The following TCF4 variants were observed in gnomAD, a reference collection of about 807,000 sequenced individuals.
The protein encoded by TCF4 is SL3-3 enhancer factor 2.
In TCF4, 3 loss-of-function variants were observed where a neutral mutation model predicts 82.1. The ratio of observed to expected loss-of-function variants is 0.04; its 90% CI spans 0.02 to 0.09. TCF4 has a LOEUF of 0.09. Among genes scored for constraint, TCF4 ranks in the 10% least tolerant of loss-of-function variants. TCF4 has a pLI of 1.00. For synonymous variants in TCF4, 276 were observed against 309.6 expected (o/e 0.89, Z 1.14); for missense variants, 518 against 852.7 (o/e 0.61, Z 4.89).
chr18:55,596,189 C>A, intron 2 of TCF4: 1 of 398,788 alleles, frequency 2.5e-6, no homozygotes, highest in Non-Finnish European at 5.0e-6. Context: ...GAGATGGTGC[C>A]ACTGCACTCC....
chr18:55,486,507 G>A lies in TCF4; in HGVS notation c.146-22370C>T, dbSNP rs545685707. Among the ~76,000 whole-genome samples the A allele has an allele frequency of 1.5e-4, 23 of 152,248 alleles. No homozygotes were observed. The East Asian group carries it at 3.1e-3, about 20-fold the overall frequency. ...CTCAGGAGGCTGAGGCAGGAAAATC[G>A]CTTGAACCCGGGAGGCGAAGGTTGC... On this transcript the variant is annotated intron_variant, in intron 3 of 19. Coordinates refer to ENST00000354452, the MANE Select transcript of TCF4 (RefSeq NM_001083962.2).
intron 8 of TCF4, among the ~76,000 whole-genome samples, chr18:55,317,732 A>C (rs572855791): frequency 6.6e-6 from 1 of 152,240 alleles, no homozygotes; most frequent in Non-Finnish European, 1.5e-5. Flanking sequence ...TTCTTCTAAG[A>C]ATAGAGAGTT....
At chr18:55,373,267 T>A (rs868268154) in intron 6 of TCF4, among the ~76,000 whole-genome samples, 1 of 151,700 alleles carries the variant, frequency 6.6e-6, no homozygotes, top group African/African-American at 2.4e-5. Flanking sequence ...TGAAAGCCAA[T>A]CTAAGGCAAA....
chr18:55,437,362 A>T (rs2095351072), intron 5 of TCF4, among the ~76,000 whole-genome samples: 1 of 152,218 alleles, frequency 6.6e-6, no homozygotes, highest in South Asian at 2.1e-4. Context: ...TATCAATTTG[A>T]TGAACAATTA....
chr18:55,256,087 G>A (rs1310813591), intron 14 of TCF4, among the ~76,000 whole-genome samples: 1 of 152,044 alleles, frequency 6.6e-6, no homozygotes. Flanking sequence ...TATAAATATG[G>A]GAATGATAAT....
chr18:55,295,519 G>A (rs572906808), intron 8 of TCF4, among the ~76,000 whole-genome samples: 2 of 152,056 alleles, frequency 1.3e-5, no homozygotes, highest in East Asian at 3.9e-4. Flanking sequence ...CCTCCTTCTG[G>A]TCAGATCTGC....
At chr18:55,497,312 T>C (rs1037392702) in intron 3 of TCF4, among the ~76,000 whole-genome samples, 1 of 152,190 alleles carries the variant, frequency 6.6e-6, no homozygotes, top group African/African-American at 2.4e-5. Flanking sequence ...GGAAATGAGC[T>C]TGAATAAGAT....
chr18:55,507,564 A>G (rs2096776989), intron 3 of TCF4, among the ~76,000 whole-genome samples: 1 of 151,730 alleles, frequency 6.6e-6, no homozygotes, highest in African/African-American at 2.4e-5. Flanking sequence ...GGGCGGGGGG[A>G]CTACTGTATT....
chr18:55,228,055 A>G, intron 19 of TCF4, 25 bp from the exon 20 acceptor site: 1 of 878,082 alleles, frequency 1.1e-6, no homozygotes, highest in Non-Finnish European at 1.7e-6. Context: ...AAGAGAGAAA[A>G]AATTCATTAA....
chr18:55,500,498 T>C (rs17089841), intron 3 of TCF4, among the ~76,000 whole-genome samples: 3,890 of 152,344 alleles, frequency 0.026, 162 homozygotes, highest in Admixed American at 0.11. Context: ...CCAGTTCATT[T>C]CGGCACATCC....
At chr18:55,299,567 C>G (rs895686698) in intron 8 of TCF4, among the ~76,000 whole-genome samples, 16 of 149,736 alleles carry the variant, frequency 1.1e-4, no homozygotes, top group African/African-American at 3.7e-4. Flanking sequence ...GGTATAAATT[C>G]CTAATTGTGA....
chr18:55,326,941 A>T (rs746463503), intron 8 of TCF4, among the ~76,000 whole-genome samples: 1 of 152,198 alleles, frequency 6.6e-6, no homozygotes, highest in African/African-American at 2.4e-5. Context: ...AATCCCTAAT[A>T]GGTATGAGTA....
At chr18:55,590,020 G>A (rs1057224629), upstream of TCF4, among the ~76,000 whole-genome samples, 31 of 152,234 alleles carry the variant, frequency 2.0e-4, no homozygotes, top group African/African-American at 7.2e-4. Flanking sequence ...TCCCGAGGCC[G>A]AGGTCGTTCG....
chr18:55,322,477 G>A, intron 8 of TCF4: 1 of 1,000,076 alleles, frequency 1.0e-6, no homozygotes. Flanking sequence ...TCGCTCAAAA[G>A]GAGAGAGGGG....
chr18:55,251,292 C>T (rs1261692034), intron 15 of TCF4, among the ~76,000 whole-genome samples: 3 of 151,430 alleles, frequency 2.0e-5, no homozygotes, highest in Admixed American at 6.6e-5. Context: ...TACAAACATT[C>T]GCTCTTGTGT....
chr18:55,323,291 T>G (rs937657491), intron 8 of TCF4, among the ~76,000 whole-genome samples: 2 of 152,168 alleles, frequency 1.3e-5, no homozygotes. Context: ...CACCCGAGCA[T>G]ACATCTATTC....
intron 3 of TCF4, among the ~76,000 whole-genome samples, chr18:55,481,162 G>C (rs573542346): frequency 8.6e-5 from 12 of 138,932 alleles, no homozygotes; most frequent in African/African-American, 2.7e-4. Context: ...AAGAAGGAAA[G>C]AAAGCAGTGG....
chr18:55,321,838 A>T, intron 8 of TCF4: 4 of 1,487,596 alleles, frequency 2.7e-6, no homozygotes, highest in Non-Finnish European at 3.6e-6. Context: ...GCATTTTCCC[A>T]TATGGCCGGG....
At chr18:55,544,196 G>C (rs2097186794) in intron 3 of TCF4, among the ~76,000 whole-genome samples, 2 of 152,132 alleles carry the variant, frequency 1.3e-5, no homozygotes, top group Admixed American at 1.3e-4. Flanking sequence ...GATTAGCCTT[G>C]AGTAAGTAAT....
Sources: allele counts gnomAD v4.1 joint callset (sites outside exome capture counted in the v4.1 genomes callset), GRCh38; gene constraint gnomAD v4.1.1; transcripts MANE v1.5; gene names NCBI Gene and HGNC (gene_info 2026-07-23, HGNC 2026-07-21).